Variants in SLC10A2 observed in about 807,000 individuals in gnomAD.
SLC10A2 encodes the protein ileal sodium/bile acid cotransporter.
Under a neutral mutation model 27.1 loss-of-function variants are expected in SLC10A2, and 34 were observed. The observed-to-expected ratio is 1.26, with a 90% CI of 0.96 to 1.67. The LOEUF (loss-of-function observed/expected upper bound fraction) is 1.67. Ranked by LOEUF, SLC10A2 falls within the 40% of genes most tolerant of loss-of-function variation. The pLI is 0.00. For synonymous variants in SLC10A2, 205 were observed against 174.0 expected (o/e 1.18, Z -1.40); for missense variants, 530 against 444.4 (o/e 1.19, Z -1.73).
chr13:103,063,575 A>G (rs888247796), intron 1 of SLC10A2, among the ~76,000 whole-genome samples: 1 of 152,212 alleles, frequency 6.6e-6, no homozygotes, highest in Non-Finnish European at 1.5e-5. Context: ...AAGTTTTGGA[A>G]AACTGTTACG....
chr13:103,066,067 G>A lies in SLC10A2; in HGVS notation c.183C>T (p.His61=). The A allele has an allele frequency of 6.2e-7, 1 of 1,613,178 alleles. No individual in the cohort carries two copies. The part of the protein sequence containing the change: ...CNVEIKKFLG[H]IKRPWGICVG... ...CACAAATGCCCCACGGCCGCTTTAT[G>A]TGCCCTAGAAATTTCTTGATTTCCA... The change falls in exon 1 of 6, where the codon CAC becomes CAT. Residue 61 remains histidine (H), a synonymous_variant. Transcript: ENST00000245312.
At chr13:103,053,117 T>TGTGA (rs1555334229) in intron 2 of SLC10A2, among the ~76,000 whole-genome samples, 27 of 147,314 alleles carry the variant, frequency 1.8e-4, no homozygotes, top group Non-Finnish European at 3.1e-4. Flanking sequence ...TGTGTGTGTG[T>TGTGA]GTGTGTGTGT....
At chr13:103,065,774 T>C (rs1876253399) in intron 1 of SLC10A2, 99 bp downstream of exon 1, 2 of 1,366,312 alleles carry the variant, frequency 1.5e-6, no homozygotes, top group Non-Finnish European at 2.1e-6. Flanking sequence ...AGTCATACTT[T>C]AGATGCGTGG....
At chr13:103,065,618 A>G (rs1027769878) in intron 1 of SLC10A2, among the ~76,000 whole-genome samples, 3 of 152,192 alleles carry the variant, frequency 2.0e-5, no homozygotes, top group African/African-American at 7.2e-5. Flanking sequence ...ATCTTTTCCT[A>G]GAGATCAACA....
In SLC10A2 at chr13:103,046,050, A is replaced by G; in HGVS notation, c.*83T>C. The G allele has an allele frequency of 1.3e-6, 2 of 1,529,274 alleles. No homozygotes were observed. Among genetic ancestry groups the G allele is most frequent in the Non-Finnish European group, 9.0e-7 (1 of 1,107,642 alleles). 94.7% of individuals were successfully genotyped at this position (1,529,274 alleles called of 1,614,324 possible). On this transcript the variant is annotated 3_prime_UTR_variant, in exon 6 of 6. Coordinates refer to ENST00000245312, the MANE Select transcript of SLC10A2 (RefSeq NM_000452.3). ...TTTTCACTTTAACTCTTTTCTGCCA[A>G]CTGTCCTACCAAAACAAATAATTAA... is the stretch of plus-strand genomic sequence containing the variant.
intron 2 of SLC10A2, among the ~76,000 whole-genome samples, chr13:103,053,306 G>A (rs1217235819): frequency 6.6e-6 from 1 of 152,160 alleles, no homozygotes; most frequent in Non-Finnish European, 1.5e-5. Flanking sequence ...TTACAGCAGA[G>A]AGGTGAGAAC....
chr13:103,066,065 A>C lies in SLC10A2; in HGVS notation c.185T>G (p.Ile62Arg), dbSNP rs768422030. The C allele has an allele frequency of 6.2e-7, 1 of 1,614,152 alleles. No homozygotes were observed. The highest frequency in any genetic ancestry group is 2.2e-5 in the East Asian group (1 of 44,882). The change falls in exon 1 of 6, where the codon ATA becomes AGA. Residue 62 changes from isoleucine (I) to arginine (R), a missense_variant. Physicochemically the swap from Ile to Arg is moderately conservative, Grantham distance 97. Transcript: ENST00000245312. ...AACACAAATGCCCCACGGCCGCTTT[A>C]TGTGCCCTAGAAATTTCTTGATTTC... ...NVEIKKFLGH[I>R]KRPWGICVGF...
intron 1 of SLC10A2, among the ~76,000 whole-genome samples, chr13:103,065,427 A>C (rs1471778706): frequency 2.6e-5 from 4 of 152,192 alleles, no homozygotes; most frequent in African/African-American, 9.7e-5. Flanking sequence ...GATGGAGTTG[A>C]CCACTGTCTC....
chr13:103,055,545 A>T (rs368094083), intron 2 of SLC10A2, among the ~76,000 whole-genome samples: 47 of 152,300 alleles, frequency 3.1e-4, no homozygotes, highest in African/African-American at 1.1e-3. Flanking sequence ...CAGTCAGTTC[A>T]TTTATTTTCT....
At position 103,049,597 on chromosome 13, in the gene SLC10A2, A is replaced by G. The variant is rs150505587; in HGVS notation, c.762-151T>C. 114 of 726,544 alleles carry G rather than the reference A, an allele frequency of 1.6e-4. 1 individual carries two copies. The African/African-American group carries it at 1.8e-3, about 11-fold the overall frequency. The allele number at this position is 726,544 out of a possible 1,614,324, so 45.0% of individuals were successfully genotyped here. ...AGGCTTATTCAATATATAACTTTCT[A>G]TGGAATAAGTGTAATACTTATTAAT... is the stretch of plus-strand genomic sequence containing the variant. On this transcript the variant is annotated intron_variant, in intron 4 of 5. Coordinates refer to ENST00000245312, the MANE Select transcript of SLC10A2 (RefSeq NM_000452.3).
At chr13:103,055,242 G>T (rs1393540477) in intron 2 of SLC10A2, among the ~76,000 whole-genome samples, 1 of 152,154 alleles carries the variant, frequency 6.6e-6, no homozygotes, top group African/African-American at 2.4e-5. Flanking sequence ...TAAACTTCTT[G>T]GCACAAGACA....
chr13:103,059,109 G>T (rs960639518), intron 1 of SLC10A2, among the ~76,000 whole-genome samples: 1 of 152,000 alleles, frequency 6.6e-6, no homozygotes, highest in Non-Finnish European at 1.5e-5. Flanking sequence ...CTGTAACCTC[G>T]CCAGCATCTG....
chr13:103,057,056 G>A (rs984692448), intron 2 of SLC10A2, among the ~76,000 whole-genome samples: 1 of 152,166 alleles, frequency 6.6e-6, no homozygotes, highest in Non-Finnish European at 1.5e-5. Flanking sequence ...CCTTTTACAA[G>A]CATCCAGGTG....
intron 2 of SLC10A2, among the ~76,000 whole-genome samples, chr13:103,056,655 A>T (rs1004894138): frequency 6.6e-6 from 1 of 152,076 alleles, no homozygotes; most frequent in Non-Finnish European, 1.5e-5. Flanking sequence ...TTTTAGCTCT[A>T]TGGAAGGCGT....
rs1456452664 is a variant in SLC10A2, at chr13:103,044,113, G to C, written c.*2020C>G. The C allele has an allele frequency of 1.3e-5, 2 of 152,014 alleles. No homozygotes were observed. Among genetic ancestry groups the C allele is most frequent in the African/African-American group, 4.8e-5 (2 of 41,376 alleles). 9.4% of individuals were successfully genotyped at this position (152,014 alleles called of 1,614,324 possible). A position where few individuals can be genotyped will look rare whatever the true frequency, so the allele number is the denominator to read the frequency against. On this transcript the variant is annotated 3_prime_UTR_variant, in exon 6 of 6. Transcript: ENST00000245312. The stretch of plus-strand genomic sequence containing the variant: ...GACTTTTCAAATTCATTTAAAAATA[G>C]AGAGCTATCATTTTAGAAAGCTCAG...
At chr13:103,064,651 G>A (rs1263654831) in intron 1 of SLC10A2, among the ~76,000 whole-genome samples, 1 of 152,046 alleles carries the variant, frequency 6.6e-6, no homozygotes, top group Non-Finnish European at 1.5e-5. Flanking sequence ...AAACTAAATT[G>A]AGGTCTAAAA....
chr13:103,049,204 A>AT, intron 5 of SLC10A2, 85 bp downstream of exon 5: 1 of 1,404,704 alleles, frequency 7.1e-7, no homozygotes, highest in Non-Finnish European at 1.0e-6. Context: ...ACCACCAGGA[A>AT]CGGGGAGTTT....
chr13:103,049,174 C>T (rs1875694250), intron 5 of SLC10A2, 115 bp downstream of exon 5: 25 of 1,127,610 alleles, frequency 2.2e-5, no homozygotes, highest in Non-Finnish European at 2.7e-6. Context: ...GCTTTTTCCT[C>T]TCATATATTT....
At chr13:103,062,680 A>C (rs1876159770) in intron 1 of SLC10A2, among the ~76,000 whole-genome samples, 1 of 152,196 alleles carries the variant, frequency 6.6e-6, no homozygotes. Flanking sequence ...AGATTTCTTG[A>C]ATATCTAAAA....
Sources: allele counts gnomAD v4.1 joint callset (sites outside exome capture counted in the v4.1 genomes callset), GRCh38; gene constraint gnomAD v4.1.1; transcripts MANE v1.5; gene names NCBI Gene and HGNC (gene_info 2026-07-23, HGNC 2026-07-21).